The following MIR2052HG variants were observed in gnomAD, a reference collection of about 807,000 sequenced individuals.
MIR2052HG encodes MIR2052 host gene.
chr8:74,601,371 A>G (rs902003476), intron 1 of MIR2052HG, among the ~76,000 whole-genome samples: 1 of 152,134 alleles, frequency 6.6e-6, no homozygotes, highest in African/African-American at 2.4e-5. Flanking sequence ...GTGTGCCCAT[A>G]ACATAAGGGG....
rs1554570018 is a variant in MIR2052HG, at chr8:74,602,817, G to GTTTCTTTCTTTCTCTTTC, written n.128+2922_128+2923insCTTTCTTTCTTTCTTTCT. ...GATGTGAGCTGCCATGCCCGGCCGT[G>GTTTCTTTCTTTCTCTTTC]TTTCTTTCTTTCTTTCTTTCTTTCT... On this transcript the variant is annotated intron_variant and non_coding_transcript_variant, in intron 1 of 6. Transcript: ENST00000523442. 4.1e-5 allele frequency among the ~76,000 whole-genome samples: 3 copies of GTTTCTTTCTTTCTCTTTC among 73,786 alleles called. No homozygotes were observed. In the Admixed American group the frequency reaches 4.1e-4, roughly 10 times the overall value. 48.4% of individuals were successfully genotyped at this position (73,786 alleles called of 152,430 possible).
At chr8:74,668,338 AT>A (rs1183135448) in intron 2 of MIR2052HG, among the ~76,000 whole-genome samples, 2 of 152,148 alleles carry the variant, frequency 1.3e-5, no homozygotes, top group Non-Finnish European at 2.9e-5. Context: ...ACACACACAC[AT>A]TTTATACTGT....
At chr8:74,733,100 C>G (rs537016533) in intron 4 of MIR2052HG, among the ~76,000 whole-genome samples, 1 of 151,114 alleles carries the variant, frequency 6.6e-6, no homozygotes, top group East Asian at 1.9e-4. Context: ...TATTATTATA[C>G]TTTAAGATTT....
chr8:74,696,869 A>G (rs968783365), intron 2 of MIR2052HG, among the ~76,000 whole-genome samples: 2 of 152,110 alleles, frequency 1.3e-5, no homozygotes, highest in South Asian at 4.1e-4. Flanking sequence ...AGATGGTTTC[A>G]CAGCTGAATT....
chr8:74,705,106 G>A (rs2128741186), intron 4 of MIR2052HG, among the ~76,000 whole-genome samples: 1 of 151,666 alleles, frequency 6.6e-6, no homozygotes, highest in African/African-American at 2.4e-5. Flanking sequence ...ACTAAATGGG[G>A]CAACTTTTGC....
chr8:74,751,086 A>G (rs766738501), intron 4 of MIR2052HG, among the ~76,000 whole-genome samples: 1 of 152,204 alleles, frequency 6.6e-6, no homozygotes, highest in Non-Finnish European at 1.5e-5. Context: ...ATGTATTTGT[A>G]AACACAAAAT....
At chr8:74,696,450 C>G (rs988885790) in intron 2 of MIR2052HG, among the ~76,000 whole-genome samples, 2 of 151,694 alleles carry the variant, frequency 1.3e-5, no homozygotes, top group African/African-American at 4.8e-5. Flanking sequence ...CCAAACCCAG[C>G]AGAAGAAAAG....
intron 2 of MIR2052HG, among the ~76,000 whole-genome samples, chr8:74,661,686 A>C (rs1236631177): frequency 6.6e-6 from 1 of 152,190 alleles, no homozygotes; most frequent in Non-Finnish European, 1.5e-5. Context: ...TCAGAATTTA[A>C]AGCTCAATCA....
intron 3 of MIR2052HG, among the ~76,000 whole-genome samples, chr8:74,702,888 C>T (rs1010764751): frequency 3.3e-5 from 5 of 152,070 alleles, no homozygotes. Flanking sequence ...GTGATCGACT[C>T]ACCTATCCTA....
intron 1 of MIR2052HG, among the ~76,000 whole-genome samples, chr8:74,605,444 G>C (rs1808097366): frequency 1.3e-5 from 2 of 152,192 alleles, no homozygotes; most frequent in South Asian, 4.1e-4. Context: ...ATTTAGAAGG[G>C]AAATGGAAAT....
chr8:74,747,376 C>T (rs889547683), intron 4 of MIR2052HG, among the ~76,000 whole-genome samples: 102 of 152,230 alleles, frequency 6.7e-4, no homozygotes, highest in African/African-American at 2.4e-3. Context: ...CTATAAGATC[C>T]TCTAAATTTC....
At chr8:74,600,145 T>A (rs890503460) in intron 1 of MIR2052HG, among the ~76,000 whole-genome samples, 1 of 152,204 alleles carries the variant, frequency 6.6e-6, no homozygotes, top group Non-Finnish European at 1.5e-5. Context: ...CCTAGTGAGA[T>A]GAACCTGGTA....
intron 4 of MIR2052HG, among the ~76,000 whole-genome samples, chr8:74,740,098 C>T (rs1809810282): frequency 6.6e-6 from 1 of 152,152 alleles, no homozygotes; most frequent in Non-Finnish European, 1.5e-5. Flanking sequence ...TTGACCATGA[C>T]TTAAAAAATT....
chr8:74,731,894 G>A (rs269177), intron 4 of MIR2052HG, among the ~76,000 whole-genome samples: 1 of 152,058 alleles, frequency 6.6e-6, no homozygotes, highest in African/African-American at 2.4e-5. Flanking sequence ...AATAATTATA[G>A]AAGTAGAACC....
intron 4 of MIR2052HG, among the ~76,000 whole-genome samples, chr8:74,711,744 G>A (rs1471801284): frequency 6.6e-6 from 1 of 152,178 alleles, no homozygotes; most frequent in African/African-American, 2.4e-5. Flanking sequence ...ATGGCTGGAT[G>A]TTATATGAAA....
At chr8:74,688,448 A>T (rs981509044) in intron 2 of MIR2052HG, among the ~76,000 whole-genome samples, 2 of 152,228 alleles carry the variant, frequency 1.3e-5, no homozygotes, top group Non-Finnish European at 2.9e-5. Flanking sequence ...TTATAAGCAC[A>T]ATGATAACAC....
At chr8:74,666,995 C>T (rs76161306) in intron 2 of MIR2052HG, among the ~76,000 whole-genome samples, 1,645 of 152,264 alleles carry the variant, frequency 0.011, 12 homozygotes, top group Middle Eastern at 0.051. Context: ...ATCCTAGCGC[C>T]TTTCCTCTTC....
intron 2 of MIR2052HG, among the ~76,000 whole-genome samples, chr8:74,671,441 T>C (rs1346658641): frequency 6.6e-6 from 1 of 152,134 alleles, no homozygotes; most frequent in Non-Finnish European, 1.5e-5. Flanking sequence ...CTGGTCTTAA[T>C]AGAGAGGTTT....
intron 4 of MIR2052HG, among the ~76,000 whole-genome samples, chr8:74,735,993 C>T (rs1297714253): frequency 6.6e-6 from 1 of 152,142 alleles, no homozygotes; most frequent in Non-Finnish European, 1.5e-5. Context: ...TTAATGATAT[C>T]TTTGCTATAA....
Sources: allele counts gnomAD v4.1 joint callset (sites outside exome capture counted in the v4.1 genomes callset), GRCh38; gene constraint gnomAD v4.1.1; transcripts MANE v1.5; gene names NCBI Gene and HGNC (gene_info 2026-07-23, HGNC 2026-07-21).